The following CCDC83 variants were observed in gnomAD, a reference collection of about 807,000 sequenced individuals.
The protein encoded by CCDC83 is coiled-coil domain containing 83.
In CCDC83, 54 loss-of-function variants were observed where a neutral mutation model predicts 50.1. That is an observed-to-expected ratio of 1.08 (90% CI 0.87 to 1.35). The LOEUF (loss-of-function observed/expected upper bound fraction) is 1.35. CCDC83 is among the 40% of genes most tolerant of loss of function. The pLI is 0.00. For synonymous variants in CCDC83, 161 were observed against 153.3 expected (o/e 1.05, Z -0.37); for missense variants, 518 against 473.9 (o/e 1.09, Z -0.86).
At chr11:85,884,209 T>C (rs994867467) in intron 4 of CCDC83, among the ~76,000 whole-genome samples, 3 of 152,074 alleles carry the variant, frequency 2.0e-5, no homozygotes, top group Non-Finnish European at 4.4e-5. Flanking sequence ...TGGACATGCA[T>C]GGGAAGAAAG....
chr11:85,909,271 C>A (rs952660827), intron 7 of CCDC83, among the ~76,000 whole-genome samples: 1 of 152,188 alleles, frequency 6.6e-6, no homozygotes, highest in Non-Finnish European at 1.5e-5. Flanking sequence ...CTTCTAAGTA[C>A]CCATCTCAGT....
At chr11:85,887,125 CTG>C (rs2093330864) in intron 5 of CCDC83, among the ~76,000 whole-genome samples, 2 of 152,254 alleles carry the variant, frequency 1.3e-5, no homozygotes, top group South Asian at 4.1e-4. Context: ...CAGGGAAAAA[CTG>C]GGGAACAAAC....
intron 10 of CCDC83, among the ~76,000 whole-genome samples, chr11:85,918,254 A>T (rs557445128): frequency 6.6e-6 from 1 of 152,320 alleles, no homozygotes; most frequent in African/African-American, 2.4e-5. Context: ...CTTGCCCCCA[A>T]ATCACTTACA....
chr11:85,881,137 G>A (rs190718157), intron 3 of CCDC83, among the ~76,000 whole-genome samples: 111 of 152,180 alleles, frequency 7.3e-4, no homozygotes, highest in African/African-American at 2.3e-3. Context: ...GGGAGGCCGC[G>A]GCAGATGGAT....
At chr11:85,883,480 G>A (rs1442794389) in intron 4 of CCDC83, among the ~76,000 whole-genome samples, 4 of 151,950 alleles carry the variant, frequency 2.6e-5, no homozygotes, top group Admixed American at 6.6e-5. Flanking sequence ...TGGAGAACAT[G>A]GGTAGTAATG....
intron 5 of CCDC83, among the ~76,000 whole-genome samples, chr11:85,894,670 G>GT (rs765789138): frequency 4.7e-4 from 72 of 151,950 alleles, no homozygotes; most frequent in African/African-American, 4.1e-4. Flanking sequence ...ACAAGGACGG[G>GT]TTTTTTTTCT....
chr11:85,871,931 A>G (rs1310104930), intron 2 of CCDC83, among the ~76,000 whole-genome samples: 4 of 152,206 alleles, frequency 2.6e-5, no homozygotes, highest in Non-Finnish European at 5.9e-5. Context: ...GATACAAGAT[A>G]TACTATAAAG....
chr11:85,913,405 C>G (rs1337167678), intron 8 of CCDC83, among the ~76,000 whole-genome samples: 1 of 152,200 alleles, frequency 6.6e-6, no homozygotes, highest in Non-Finnish European at 1.5e-5. Context: ...CCTCAATTAT[C>G]TGCTAGACTT....
rs796699227 is a variant in CCDC83, at chr11:85,892,777, A to G, written c.512-2516A>G. 7.5e-4 allele frequency among the ~76,000 whole-genome samples: 115 copies of G among 152,342 alleles called. 2 individuals are homozygous for G. Among genetic ancestry groups the G allele is most frequent in the African/African-American group, 2.7e-3 (112 of 41,570 alleles). Reference sequence around the variant, plus strand: ...CTGATGGGCTAGGGTAAATTGAAAAAAGAAATTCCATCAGAAATTAGTTTG... The same window carrying G: ...CTGATGGGCTAGGGTAAATTGAAAAGAGAAATTCCATCAGAAATTAGTTTG... On this transcript the variant is annotated intron_variant, in intron 5 of 10. Coordinates refer to ENST00000342404, the MANE Select transcript of CCDC83 (RefSeq NM_001286159.2).
rs112471202 is a variant in CCDC83 at position 85,909,675 on chromosome 11, T to C, written c.673-1606T>C. On this transcript the variant is annotated intron_variant, in intron 7 of 10. Transcript: ENST00000342404. ...TCTCGCTCTGTTGCCCAGGCTGGAG[T>C]GCAGTGGCGTGATCTCAGCTCACTG... is the stretch of plus-strand genomic sequence containing the variant. Among the ~76,000 whole-genome samples, 597 of 133,218 alleles carry C rather than the reference T, an allele frequency of 4.5e-3. 2 individuals carry two copies. The highest frequency in any genetic ancestry group is 7.4e-3 in the Admixed American group (81 of 10,908). 87.4% of individuals were successfully genotyped at this position (133,218 alleles called of 152,430 possible).
At chr11:85,890,691 T>C (rs1285660533) in intron 5 of CCDC83, among the ~76,000 whole-genome samples, 1 of 152,224 alleles carries the variant, frequency 6.6e-6, no homozygotes, top group Admixed American at 6.5e-5. Context: ...TTCTTACCGT[T>C]TTCCATGTTT....
chr11:85,895,272 T>TA, intron 5 of CCDC83, 21 bp from the exon 6 acceptor site: 2 of 735,402 alleles, frequency 2.7e-6, no homozygotes, highest in Non-Finnish European at 2.0e-6. Flanking sequence ...TTCTTTTTTT[T>TA]TTTTTTTTTT....
chr11:85,905,070 G>A (rs932215171), intron 7 of CCDC83, among the ~76,000 whole-genome samples: 1 of 152,160 alleles, frequency 6.6e-6, no homozygotes, highest in Non-Finnish European at 1.5e-5. Context: ...GCTGAGGCAG[G>A]CAAATCACCT....
chr11:85,872,360 C>T (rs1366617477), intron 2 of CCDC83, among the ~76,000 whole-genome samples: 1 of 152,120 alleles, frequency 6.6e-6, no homozygotes, highest in Admixed American at 6.6e-5. Context: ...GGGCAGGCGC[C>T]TATAATCCCA....
intron 7 of CCDC83, 132 bp downstream of exon 7, chr11:85,899,147 T>C: frequency 4.7e-6 from 3 of 631,862 alleles, no homozygotes; most frequent in South Asian, 2.0e-5. Context: ...AAAATTCAAG[T>C]GGAGTCCTCA....
intron 3 of CCDC83, among the ~76,000 whole-genome samples, chr11:85,878,822 T>A (rs944453205): frequency 2.0e-5 from 3 of 152,182 alleles, no homozygotes; most frequent in Admixed American, 6.5e-5. Flanking sequence ...TTTCTCCTCA[T>A]CCTCTTCAGA....
chr11:85,913,007 G>T (rs1315781707), intron 8 of CCDC83, among the ~76,000 whole-genome samples: 3 of 152,294 alleles, frequency 2.0e-5, no homozygotes, highest in East Asian at 3.9e-4. Context: ...TTTTCATTGA[G>T]TTGTTTACTG....
At chr11:85,879,831 C>T (rs1282541309) in intron 3 of CCDC83, among the ~76,000 whole-genome samples, 2 of 152,148 alleles carry the variant, frequency 1.3e-5, no homozygotes, top group Non-Finnish European at 2.9e-5. Flanking sequence ...ATTGTCCAGG[C>T]TGGTCTTGAA....
intron 3 of CCDC83, among the ~76,000 whole-genome samples, chr11:85,877,433 T>C (rs1322580928): frequency 6.6e-6 from 1 of 152,188 alleles, no homozygotes; most frequent in Non-Finnish European, 1.5e-5. Context: ...ACCATGCCAC[T>C]GTACTCCAGC....
Sources: gnomAD v4.1 joint callset for allele counts (sites outside exome capture counted in the v4.1 genomes callset) on GRCh38, gnomAD v4.1.1 for gene constraint, MANE v1.5 for transcripts, NCBI Gene and HGNC (gene_info 2026-07-23, HGNC 2026-07-21) for gene names.